MUSK: variants seen among roughly 807,000 people sequenced by gnomAD.
MUSK encodes muscle, skeletal receptor tyrosine-protein kinase.
MUSK carries 55 observed loss-of-function variants against 88.7 expected under a neutral mutation model. The observed-to-expected ratio is 0.62, with a 90% CI of 0.50 to 0.78. MUSK has a LOEUF of 0.78. MUSK is among the 30% of genes least tolerant of loss of function. The probability of loss-of-function intolerance (pLI) is 0.00; values close to 1 mark genes in which losing one functional copy is unlikely to be tolerated. For missense variants in MUSK, 1,015 were observed against 1,074.3 expected, an observed-to-expected ratio of 0.94 and a Z score of 0.77; for synonymous variants, 387 against 391.9, an observed-to-expected ratio of 0.99 and a Z score of 0.15.
At chr9:110,774,491 G>A (rs546513366) in intron 9 of MUSK, among the ~76,000 whole-genome samples, 68 of 152,156 alleles carry the variant, frequency 4.5e-4, no homozygotes, top group Non-Finnish European at 1.6e-4. Context: ...AATTTCCCAG[G>A]TATTTGCTTC....
chr9:110,728,599 T>C (rs1302223880), intron 5 of MUSK: 1 of 827,180 alleles, frequency 1.2e-6, no homozygotes, highest in African/African-American at 1.7e-5. Context: ...AACTGATGTT[T>C]CTGTGGTCAA....
chr9:110,754,726 G>A (rs1031048805), intron 7 of MUSK, among the ~76,000 whole-genome samples: 3 of 152,276 alleles, frequency 2.0e-5, no homozygotes, highest in Middle Eastern at 3.4e-3. Context: ...ATTTTCTCTG[G>A]AAGAATTTTC....
At chr9:110,671,823 G>A (rs960775081) in intron 1 of MUSK, among the ~76,000 whole-genome samples, 2 of 152,188 alleles carry the variant, frequency 1.3e-5, no homozygotes, top group African/African-American at 2.4e-5. Context: ...TTCTGCAGGA[G>A]CATAAGAGTT....
chr9:110,733,933 A>G (rs189983547), intron 5 of MUSK, among the ~76,000 whole-genome samples: 1 of 152,238 alleles, frequency 6.6e-6, no homozygotes, highest in Non-Finnish European at 1.5e-5. Context: ...AGAAAATGTC[A>G]CTTAAACAGA....
chr9:110,748,425 C>T (rs2077206055), intron 7 of MUSK, among the ~76,000 whole-genome samples: 1 of 152,144 alleles, frequency 6.6e-6, no homozygotes, highest in African/African-American at 2.4e-5. Flanking sequence ...CAAGCCACAG[C>T]AGGTCTTACA....
intron 4 of MUSK, 65 bp downstream of exon 4, chr9:110,695,595 C>T: frequency 8.2e-7 from 1 of 1,218,610 alleles, no homozygotes; most frequent in South Asian, 1.5e-5. Flanking sequence ...TTTCTTTACA[C>T]ACTCAGTTAC....
intron 7 of MUSK, among the ~76,000 whole-genome samples, chr9:110,753,196 C>T (rs549132780): frequency 2.0e-5 from 3 of 152,182 alleles, no homozygotes; most frequent in Admixed American, 2.0e-4. Flanking sequence ...TTTGGGAGTC[C>T]GAGGTGGGCA....
In MUSK at chr9:110,697,443, A is replaced by C. The variant is rs1186413517; in HGVS notation, c.605A>C (p.Lys202Thr). The C allele has an allele frequency of 6.2e-7, 1 of 1,607,918 alleles. No homozygotes were observed. The highest frequency in any genetic ancestry group is 8.5e-7 in the Non-Finnish European group (1 of 1,176,628). Residue 202 changes from lysine to threonine, a missense_variant, in exon 5 of 15, where the codon AAA becomes ACA. Lys to Thr is a moderately conservative substitution (Grantham distance 78). Transcript: ENST00000374448. ...AKNSLGTAYS[K>T]VVKLEVEVFA... The stretch of plus-strand genomic sequence containing the variant: ...AACAGCCTCGGGACAGCATATTCCA[A>C]AGTGGTGAAGCTGGAAGTTGAGGGT...
intron 9 of MUSK, chr9:110,775,266 C>G (rs1303341052): frequency 6.2e-6 from 1 of 160,786 alleles, no homozygotes; most frequent in Admixed American, 6.2e-5. Context: ...ACCCAGATGC[C>G]CTCCTATAAG....
chr9:110,787,572 G>C (rs542413487), intron 13 of MUSK, 118 bp from the exon 14 acceptor site: 1 of 954,250 alleles, frequency 1.0e-6, no homozygotes, highest in African/African-American at 1.7e-5. Context: ...GAAAGGCTGC[G>C]TGAGACTTAA....
At chr9:110,718,427 A>G (rs1039410945) in intron 5 of MUSK, among the ~76,000 whole-genome samples, 1 of 151,994 alleles carries the variant, frequency 6.6e-6, no homozygotes, top group Non-Finnish European at 1.5e-5. Context: ...AATAGTGTCA[A>G]TGCAAAATGC....
intron 5 of MUSK, among the ~76,000 whole-genome samples, chr9:110,725,441 C>T (rs370027045): frequency 4.7e-4 from 72 of 151,996 alleles, no homozygotes; most frequent in African/African-American, 1.7e-3. Flanking sequence ...TGGATTGCTA[C>T]TATGGTACTG....
intron 3 of MUSK, among the ~76,000 whole-genome samples, chr9:110,689,551 ATTTATAT>A (rs1286372366): frequency 2.2e-4 from 23 of 105,386 alleles, no homozygotes; most frequent in Admixed American, 5.1e-4. Flanking sequence ...AGTTATATAT[ATTTATAT>A]ATTATATATA....
intron 2 of MUSK, among the ~76,000 whole-genome samples, chr9:110,686,085 A>T (rs2076192741): frequency 6.6e-6 from 1 of 152,120 alleles, no homozygotes; most frequent in Admixed American, 6.6e-5. Flanking sequence ...CTGGGCTAAA[A>T]TCAAAGTGTT....
At chr9:110,768,418 C>A (rs1445453224) in intron 9 of MUSK, among the ~76,000 whole-genome samples, 1 of 152,132 alleles carries the variant, frequency 6.6e-6, no homozygotes, top group Non-Finnish European at 1.5e-5. Flanking sequence ...ATCACTTGAA[C>A]TGGGGAGGCA....
intron 3 of MUSK, among the ~76,000 whole-genome samples, chr9:110,688,797 T>C (rs1000699101): frequency 2.6e-5 from 4 of 151,860 alleles, no homozygotes; most frequent in African/African-American, 9.7e-5. Flanking sequence ...CATGATTTCA[T>C]TCCATTTTAT....
intron 7 of MUSK, among the ~76,000 whole-genome samples, chr9:110,761,733 C>G (rs2131929141): frequency 6.6e-6 from 1 of 152,046 alleles, no homozygotes; most frequent in East Asian, 1.9e-4. Context: ...CGCCACCTCG[C>G]CCGGCTAATT....
intron 5 of MUSK, among the ~76,000 whole-genome samples, chr9:110,701,921 T>A (rs1412219365): frequency 7.2e-6 from 1 of 139,732 alleles, no homozygotes; most frequent in Non-Finnish European, 1.5e-5. Context: ...TTTATTTTAT[T>A]TTATTTCATA....
At chr9:110,709,192 CAAGTAA>C (rs1350982322) in intron 5 of MUSK, among the ~76,000 whole-genome samples, 1 of 152,134 alleles carries the variant, frequency 6.6e-6, no homozygotes, top group African/African-American at 2.4e-5. Context: ...AGAAGGAGTT[CAAGTAA>C]TTTTATATTC....
Sources: allele counts gnomAD v4.1 joint callset (sites outside exome capture counted in the v4.1 genomes callset), GRCh38; gene constraint gnomAD v4.1.1; transcripts MANE v1.5; gene names NCBI Gene and HGNC (gene_info 2026-07-23, HGNC 2026-07-21).